Variants in OTOGL observed in about 807,000 individuals in gnomAD.
The protein encoded by OTOGL is otogelin-like protein.
Under a neutral mutation model 318.5 loss-of-function variants are expected in OTOGL, and 285 were observed. That is an observed-to-expected ratio of 0.89 (90% CI 0.81 to 0.99). The LOEUF (loss-of-function observed/expected upper bound fraction) is 0.99, where lower values mean the gene tolerates loss of function less well. OTOGL is among the 50% of genes least tolerant of loss of function. The probability of loss-of-function intolerance (pLI) is 0.00; values close to 1 mark genes in which losing one functional copy is unlikely to be tolerated. For synonymous variants in OTOGL, 987 were observed against 936.5 expected (o/e 1.05, Z -0.99); for missense variants, 2,899 against 2,845.6 (o/e 1.02, Z -0.43).
chr12:80,329,652 C>T (rs1887946170), intron 37 of OTOGL, among the ~76,000 whole-genome samples: 1 of 152,212 alleles, frequency 6.6e-6, no homozygotes, highest in Non-Finnish European at 1.5e-5. Flanking sequence ...TCCTCCCGCC[C>T]TGTGAAGCTT....
intron 8 of OTOGL, among the ~76,000 whole-genome samples, chr12:80,229,805 C>G (rs1879205622): frequency 6.6e-6 from 1 of 151,996 alleles, no homozygotes; most frequent in South Asian, 2.1e-4. Context: ...TCTGGAAGTT[C>G]TTTCCAAGTT....
chr12:80,338,689 G>A (rs745464784), intron 42 of OTOGL, among the ~76,000 whole-genome samples: 1 of 152,038 alleles, frequency 6.6e-6, no homozygotes, highest in Admixed American at 6.6e-5. Flanking sequence ...CAATGATTTA[G>A]AAGATCAAGG....
In OTOGL at chr12:80,305,578, C is replaced by G; in HGVS notation, c.3216C>G (p.Asn1072Lys). 1 of 1,541,628 alleles carries G rather than the reference C, an allele frequency of 6.5e-7. No individual in the cohort carries two copies. Among genetic ancestry groups the G allele is most frequent in the South Asian group, 1.3e-5 (1 of 78,960 alleles). The change falls in exon 29 of 59, where the codon AAC becomes AAG. Residue 1072 changes from asparagine (N) to lysine (K), a missense_variant and splice_region_variant. Around this residue, in one of 3 missense-constraint regions of OTOGL, gnomAD observed 2,607 missense variants for 2,524.9 expected, o/e 1.03. Transcript: ENST00000547103. ...IHIKVGPQWK[N>K]KLSGLCGNFD... Reference sequence around the variant, plus strand: ...CTGGTGATTTTCTCTTACTTTAGAACAAGCTATCAGGATTGTGTGGAAACT... The same window carrying G: ...CTGGTGATTTTCTCTTACTTTAGAAGAAGCTATCAGGATTGTGTGGAAACT...
At chr12:80,355,366 A>G (rs6539500) in intron 46 of OTOGL, among the ~76,000 whole-genome samples, 385 of 151,188 alleles carry the variant, frequency 2.5e-3, no homozygotes, top group African/African-American at 8.8e-3. Flanking sequence ...CTGGGACTAC[A>G]GGCATGCCAC....
chr12:80,264,187 A>G (rs905888161), intron 19 of OTOGL, among the ~76,000 whole-genome samples: 1 of 152,144 alleles, frequency 6.6e-6, no homozygotes, highest in African/African-American at 2.4e-5. Context: ...GGTCCACGAT[A>G]TCAAGAAACC....
At chr12:80,187,358 G>A (rs945551339) in intron 1 of OTOGL, among the ~76,000 whole-genome samples, 13 of 152,036 alleles carry the variant, frequency 8.6e-5, no homozygotes, top group Admixed American at 7.9e-4. Context: ...AGACCCTGCT[G>A]GGGCCAATCT....
In OTOGL at chr12:80,219,803, TTC is replaced by T; in HGVS notation, c.236-10_236-9del. On this transcript the variant is annotated splice_polypyrimidine_tract_variant and intron_variant, in intron 5 of 58. Coordinates refer to ENST00000547103, the MANE Select transcript of OTOGL (RefSeq NM_001378609.3). ...GCCAGAAGATAACTTTTTTTTTTTT[TTC>T]CCCCTCAGGTTCTTGTCCTTATGAA... 6.6e-7 allele frequency: 1 copy of T among 1,523,704 alleles called. No individual in the cohort carries two copies. The highest frequency in any genetic ancestry group is 1.7e-5 in the Admixed American group (1 of 57,392). 94.4% of individuals were successfully genotyped at this position (1,523,704 alleles called of 1,614,324 possible).
At chr12:80,194,533 A>G (rs539595220) in intron 1 of OTOGL, among the ~76,000 whole-genome samples, 3 of 152,334 alleles carry the variant, frequency 2.0e-5, no homozygotes, top group Admixed American at 6.5e-5. Flanking sequence ...AACCAAAAAC[A>G]TAATCAGAAT....
At chr12:80,237,625 T>C (rs1224966573) in intron 9 of OTOGL, among the ~76,000 whole-genome samples, 1 of 151,960 alleles carries the variant, frequency 6.6e-6, no homozygotes, top group Non-Finnish European at 1.5e-5. Context: ...GTGCAGAAGA[T>C]ATATGAGGGG....
chr12:80,372,898 GT>G (rs751101341), intron 57 of OTOGL, among the ~76,000 whole-genome samples: 4 of 151,984 alleles, frequency 2.6e-5, no homozygotes, highest in Non-Finnish European at 4.4e-5. Flanking sequence ...TGTTGGCCAG[GT>G]TGGCCTCAAA....
chr12:80,370,150 G>C (rs1890786752), intron 55 of OTOGL, among the ~76,000 whole-genome samples: 2 of 151,914 alleles, frequency 1.3e-5, no homozygotes, highest in African/African-American at 4.8e-5. Flanking sequence ...ACGTCTCAAG[G>C]AAGGAGGTAT....
At chr12:80,219,966 A>G in intron 6 of OTOGL, 54 bp downstream of exon 6, 1 of 1,299,842 alleles carries the variant, frequency 7.7e-7, no homozygotes, top group Non-Finnish European at 1.1e-6. Context: ...GAGAAAATTA[A>G]GGCATAATTT....
At chr12:80,220,149 A>G (rs1273185853) in intron 6 of OTOGL, among the ~76,000 whole-genome samples, 3 of 151,780 alleles carry the variant, frequency 2.0e-5, no homozygotes, top group Non-Finnish European at 4.4e-5. Flanking sequence ...TTCTATAGTA[A>G]TAGCCTATTA....
chr12:80,175,801 T>C (rs1477090655), intron 1 of OTOGL, among the ~76,000 whole-genome samples: 1 of 152,194 alleles, frequency 6.6e-6, no homozygotes, highest in Non-Finnish European at 1.5e-5. Flanking sequence ...TATACCAATA[T>C]GAAGGTTGAG....
chr12:80,303,300 C>T (rs190036395), intron 28 of OTOGL, among the ~76,000 whole-genome samples: 9 of 152,240 alleles, frequency 5.9e-5, no homozygotes, highest in South Asian at 2.1e-4. Context: ...GGACTACAGG[C>T]GCCAGCCACT....
chr12:80,144,047 C>CTTTTTTTTTTTTTTTTTTTT (rs201583324), intron 1 of OTOGL, among the ~76,000 whole-genome samples: 1 of 141,512 alleles, frequency 7.1e-6, no homozygotes, highest in Non-Finnish European at 1.6e-5. Context: ...TTGTGCTTTT[C>CTTTTTTTTTTTTTTTTTTTT]TTTTTTTTTT....
chr12:80,223,273 G>GTA (rs543619941), intron 7 of OTOGL, among the ~76,000 whole-genome samples: 69 of 150,982 alleles, frequency 4.6e-4, no homozygotes, highest in African/African-American at 6.1e-4. Context: ...GTATATATAT[G>GTA]TATATATATA....
chr12:80,106,979 T>A (rs899882854), intron 1 of OTOGL, among the ~76,000 whole-genome samples: 3 of 152,140 alleles, frequency 2.0e-5, no homozygotes, highest in African/African-American at 7.2e-5. Context: ...AGTTTACATG[T>A]ACCAAAAATG....
chr12:80,370,509 G>A (rs1890810947), intron 55 of OTOGL, 61 bp from the exon 56 acceptor site: 2 of 1,328,874 alleles, frequency 1.5e-6, no homozygotes, highest in Non-Finnish European at 1.0e-6. Flanking sequence ...GAATAATATT[G>A]TACTTAATAA....
Sources: gnomAD v4.1 joint callset for allele counts (sites outside exome capture counted in the v4.1 genomes callset) on GRCh38, gnomAD v4.1.1 for gene constraint, gnomAD v4.1.1 regional missense constraint, MANE v1.5 for transcripts, NCBI Gene and HGNC (gene_info 2026-07-23, HGNC 2026-07-21) for gene names.